Variants in RBFOX1 observed in about 807,000 individuals in gnomAD.
RBFOX1 encodes the protein RNA binding protein fox-1 homolog 1.
RBFOX1 carries 8 observed loss-of-function variants against 57.7 expected under a neutral mutation model. The observed-to-expected ratio is 0.14, with a 90% CI of 0.08 to 0.25. The LOEUF (loss-of-function observed/expected upper bound fraction) is 0.25, where lower values mean the gene tolerates loss of function less well. RBFOX1 is among the 10% of genes least tolerant of loss of function. RBFOX1 has a pLI of 1.00. For synonymous variants in RBFOX1, 326 were observed against 222.4 expected (o/e 1.47, Z -4.15); for missense variants, 611 against 548.5 (o/e 1.11, Z -1.14).
chr16:6,785,974 C>A (rs978184471), intron 3 of RBFOX1, among the ~76,000 whole-genome samples: 4 of 152,188 alleles, frequency 2.6e-5, no homozygotes, highest in African/African-American at 9.7e-5. Context: ...TACCAACAGA[C>A]CATCCTTCCA....
At chr16:6,726,944 C>G (rs758705379) in intron 3 of RBFOX1, among the ~76,000 whole-genome samples, 2 of 151,862 alleles carry the variant, frequency 1.3e-5, no homozygotes, top group African/African-American at 4.8e-5. Context: ...TTAACACTTT[C>G]TAATGGCACA....
chr16:5,704,078 AC>A (rs1178875298), intron 3 of RBFOX1, among the ~76,000 whole-genome samples: 4 of 152,052 alleles, frequency 2.6e-5, no homozygotes, highest in Non-Finnish European at 5.9e-5. Flanking sequence ...GGTTCTTATT[AC>A]CCACCTTGAA....
At chr16:7,449,695 T>A (rs1251186629) in intron 4 of RBFOX1, among the ~76,000 whole-genome samples, 1 of 130,446 alleles carries the variant, frequency 7.7e-6, no homozygotes, top group Non-Finnish European at 1.6e-5. Flanking sequence ...TAATTTTAGC[T>A]GGAGAAAAAG....
Position 7,620,276 on chromosome 16 carries a change from A to AT in RBFOX1, c.677-10322dup, listed in dbSNP as rs2059111475. On this transcript the variant is annotated intron_variant, in intron 10 of 15. Coordinates refer to ENST00000550418, the MANE Select transcript of RBFOX1 (RefSeq NM_018723.4). The stretch of plus-strand genomic sequence containing the variant: ...CACAGCAATATTCGATCAAGTACAC[A>AT]TTTTTATCTCTATTTGACAGATGTA... Among the ~76,000 whole-genome samples, 4 of 152,298 alleles carry AT rather than the reference A, an allele frequency of 2.6e-5. No individual in the cohort carries two copies. The South Asian group carries it at 8.3e-4, about 32-fold the overall frequency.
chr16:6,652,925 A>C (rs1362678164), intron 2 of RBFOX1, among the ~76,000 whole-genome samples: 1 of 152,218 alleles, frequency 6.6e-6, no homozygotes, highest in Non-Finnish European at 1.5e-5. Flanking sequence ...TATCACAATA[A>C]GGTAATAAAA....
At chr16:5,539,185 A>G (rs77147999) in intron 2 of RBFOX1, among the ~76,000 whole-genome samples, 2,847 of 152,248 alleles carry the variant, frequency 0.019, 46 homozygotes, top group Middle Eastern at 0.078. Context: ...CTGGGAGAGA[A>G]TGGGTCCAGG....
intron 3 of RBFOX1, among the ~76,000 whole-genome samples, chr16:6,750,066 A>G (rs1303825022): frequency 6.6e-6 from 1 of 152,186 alleles, no homozygotes; most frequent in Non-Finnish European, 1.5e-5. Context: ...AGGGGCTAAC[A>G]TTAAGATTTC....
intron 2 of RBFOX1, among the ~76,000 whole-genome samples, chr16:6,493,329 T>A (rs1229786313): frequency 6.6e-6 from 1 of 152,172 alleles, no homozygotes; most frequent in African/African-American, 2.4e-5. Flanking sequence ...ATATTAAATA[T>A]GTGTTAACAG....
At chr16:7,667,141 G>T (rs2069614527) in intron 13 of RBFOX1, among the ~76,000 whole-genome samples, 1 of 152,140 alleles carries the variant, frequency 6.6e-6, no homozygotes, top group Non-Finnish European at 1.5e-5. Flanking sequence ...TGATTACCCA[G>T]CACATGTTTC....
At chr16:7,611,180 A>T (rs1247291818) in intron 10 of RBFOX1, among the ~76,000 whole-genome samples, 1 of 152,234 alleles carries the variant, frequency 6.6e-6, no homozygotes, top group Non-Finnish European at 1.5e-5. Flanking sequence ...TGAGGCATGA[A>T]AAGTTCACAT....
intron 1 of RBFOX1, among the ~76,000 whole-genome samples, chr16:5,351,928 C>T (rs935419967): frequency 3.9e-5 from 6 of 152,240 alleles, no homozygotes; most frequent in Middle Eastern, 3.4e-3. Context: ...CTCAACCTTC[C>T]GAGTAGCTGG....
At chr16:7,072,847 A>G (rs557644260) in intron 4 of RBFOX1, among the ~76,000 whole-genome samples, 7 of 152,336 alleles carry the variant, frequency 4.6e-5, no homozygotes, top group South Asian at 2.1e-4. Context: ...CGTCTTGAAC[A>G]TAAGTGCTCT....
intron 1 of RBFOX1, among the ~76,000 whole-genome samples, chr16:6,077,799 C>T (rs186454042): frequency 7.2e-4 from 110 of 152,036 alleles, no homozygotes; most frequent in Non-Finnish European, 1.3e-3. Flanking sequence ...TCACTGCAGC[C>T]TCGACCTCCT....
At chr16:6,870,591 C>T (rs7201025) in intron 3 of RBFOX1, among the ~76,000 whole-genome samples, 118,744 of 152,158 alleles carry the variant, frequency 0.78, 47,374 homozygotes, top group African/African-American at 0.94. Context: ...TTGACTGTTA[C>T]ATTGTAGCTT....
intron 3 of RBFOX1, among the ~76,000 whole-genome samples, chr16:6,986,161 C>G (rs998564189): frequency 8.4e-6 from 1 of 118,896 alleles, no homozygotes; most frequent in South Asian, 3.1e-4. Flanking sequence ...TTATATACGT[C>G]TACCAGAATC....
chr16:6,848,964 G>A (rs558646666), intron 3 of RBFOX1, among the ~76,000 whole-genome samples: 47 of 152,290 alleles, frequency 3.1e-4, no homozygotes, highest in South Asian at 2.7e-3. Context: ...CTTCATGCAC[G>A]CTTAACTAGC....
At chr16:6,806,412 T>C (rs536683635) in intron 3 of RBFOX1, among the ~76,000 whole-genome samples, 1 of 152,270 alleles carries the variant, frequency 6.6e-6, no homozygotes, top group South Asian at 2.1e-4. Flanking sequence ...CTGTAATACA[T>C]TTGCATCTTT....
chr16:6,549,705 T>C (rs2096956969), intron 2 of RBFOX1, among the ~76,000 whole-genome samples: 1 of 152,108 alleles, frequency 6.6e-6, no homozygotes, highest in African/African-American at 2.4e-5. Flanking sequence ...TCTGAGTGGC[T>C]GGTCTCCAGC....
intron 1 of RBFOX1, among the ~76,000 whole-genome samples, chr16:5,280,571 C>G (rs1487020331): frequency 2.0e-5 from 3 of 152,122 alleles, no homozygotes; most frequent in African/African-American, 7.2e-5. Flanking sequence ...TAGGGCTTTT[C>G]TCTTTTGGGA....
Sources: gnomAD v4.1 joint callset for allele counts (sites outside exome capture counted in the v4.1 genomes callset) on GRCh38, gnomAD v4.1.1 for gene constraint, MANE v1.5 for transcripts, NCBI Gene and HGNC (gene_info 2026-07-23, HGNC 2026-07-21) for gene names.